The following SND1 variants were observed in gnomAD, a reference collection of about 807,000 sequenced individuals.
SND1 encodes staphylococcal nuclease domain-containing protein 1.
SND1 carries 38 observed loss-of-function variants against 121.7 expected under a neutral mutation model. That is an observed-to-expected ratio of 0.31 (90% CI 0.24 to 0.41). SND1 has a LOEUF of 0.41. Among genes scored for constraint, SND1 ranks in the 10% least tolerant of loss-of-function variants. The pLI, the probability that SND1 is intolerant of heterozygous loss-of-function variation, is 1.00. For missense variants in SND1, 868 were observed against 1,184.6 expected (o/e 0.73, Z 3.92); for synonymous variants, 401 against 447.4 (o/e 0.90, Z 1.31).
chr7:128,006,860 G>A lies in SND1; in HGVS notation c.1779+15804G>A, dbSNP rs183129953. ...GCAGTTAATGGTGAGCAGTGGGAGTGGCAGTTCCCAGGGCTGGTTGTTGCC... is the reference window on the plus strand; with the variant it reads ...GCAGTTAATGGTGAGCAGTGGGAGTAGCAGTTCCCAGGGCTGGTTGTTGCC... On this transcript the variant is annotated intron_variant, in intron 16 of 23. Coordinates refer to ENST00000354725, the MANE Select transcript of SND1 (RefSeq NM_014390.4). Among the ~76,000 whole-genome samples, 766 of 152,338 alleles carry A rather than the reference G, an allele frequency of 5.0e-3. 5 individuals carry two copies. Among genetic ancestry groups the A allele is most frequent in the African/African-American group, 0.018 (738 of 41,568 alleles).
chr7:128,064,902 T>C (rs1314026456), intron 16 of SND1, among the ~76,000 whole-genome samples: 1 of 152,190 alleles, frequency 6.6e-6, no homozygotes, highest in Non-Finnish European at 1.5e-5. Flanking sequence ...TGATTAAATC[T>C]GAGAAGAAAT....
intron 15 of SND1, among the ~76,000 whole-genome samples, chr7:127,932,835 G>T (rs1200974147): frequency 1.3e-5 from 2 of 152,170 alleles, no homozygotes; most frequent in Non-Finnish European, 2.9e-5. Context: ...TTAAACTACA[G>T]TATAGGGTGA....
chr7:127,709,488 G>A (rs1796262098), intron 9 of SND1, among the ~76,000 whole-genome samples: 1 of 152,164 alleles, frequency 6.6e-6, no homozygotes, highest in Non-Finnish European at 1.5e-5. Flanking sequence ...AGAGTTTTGG[G>A]CCTTGGCTGG....
In SND1 at chr7:128,029,114, T is replaced by C. The variant is rs944590490; in HGVS notation, c.1779+38058T>C. The stretch of plus-strand genomic sequence containing the variant: ...TGGTCTGCATCTTGTCAGTGGTGTC[T>C]GTCGCGGGTACTGCCACCTGCTTGG... On this transcript the variant is annotated intron_variant, in intron 16 of 23. Coordinates refer to ENST00000354725, the MANE Select transcript of SND1 (RefSeq NM_014390.4). This position sits in a 1 kb window ranked among gnomAD's most constrained non-coding sequence, Gnocchi z 4.2. The C allele has an allele frequency of 1.3e-5, 21 of 1,614,186 alleles. No homozygotes were observed. Among genetic ancestry groups the C allele is most frequent in the Non-Finnish European group, 1.6e-5 (19 of 1,180,032 alleles).
chr7:127,921,765 T>C (rs1800710363), intron 14 of SND1, among the ~76,000 whole-genome samples: 1 of 152,218 alleles, frequency 6.6e-6, no homozygotes, highest in Non-Finnish European at 1.5e-5. Context: ...CAACCACTCA[T>C]GTTTTTCTGT....
chr7:127,875,091 T>G (rs1799665024), intron 12 of SND1, among the ~76,000 whole-genome samples: 1 of 152,184 alleles, frequency 6.6e-6, no homozygotes, highest in Non-Finnish European at 1.5e-5. Flanking sequence ...TCTCTCTGGA[T>G]CTGTCTTCAT....
At chr7:127,725,427 G>A (rs1562991909) in intron 10 of SND1, among the ~76,000 whole-genome samples, 2 of 152,184 alleles carry the variant, frequency 1.3e-5, no homozygotes, top group South Asian at 2.1e-4. Context: ...CCCTTTGTCC[G>A]CTTTGCCAGG....
intron 10 of SND1, among the ~76,000 whole-genome samples, chr7:127,732,449 T>A (rs1483865150): frequency 1.3e-5 from 2 of 152,264 alleles, no homozygotes; most frequent in African/African-American, 4.8e-5. Flanking sequence ...TGTTCTTATA[T>A]GCCCTTGTCT....
chr7:127,817,368 A>T (rs1798463271), intron 11 of SND1, among the ~76,000 whole-genome samples: 1 of 152,204 alleles, frequency 6.6e-6, no homozygotes, highest in African/African-American at 2.4e-5. Context: ...TCTTAGGAAT[A>T]GGAATATTTC....
chr7:127,874,000 A>C (rs1478576995), intron 12 of SND1, among the ~76,000 whole-genome samples: 1 of 152,196 alleles, frequency 6.6e-6, no homozygotes, highest in African/African-American at 2.4e-5. Flanking sequence ...GCTCCTGCAA[A>C]GGGCCAAGAA....
At position 127,994,564 on chromosome 7, in the gene SND1, AAAAAAAAAAAAAAAAAAAAAAC is replaced by A. The variant is rs1248401349; in HGVS notation, c.1779+3510_1779+3531del. Among the ~76,000 whole-genome samples the A allele has an allele frequency of 3.5e-5, 4 of 113,192 alleles. 1 individual carries two copies. The East Asian group carries it at 9.6e-4, about 27-fold the overall frequency. 74.3% of individuals were successfully genotyped at this position (113,192 alleles called of 152,430 possible). A position where few individuals can be genotyped will look rare whatever the true frequency, so the allele number is the denominator to read the frequency against. ...CACTTTTACTCAAAAAAAAAAAAAA[AAAAAAAAAAAAAAAAAAAAAAC>A]AGTAAATTCAGTCTTTCTTTCTAGC... On this transcript the variant is annotated intron_variant, in intron 16 of 23. Transcript: ENST00000354725.
intron 16 of SND1, among the ~76,000 whole-genome samples, chr7:128,057,156 G>A (rs998308619): frequency 3.3e-5 from 5 of 152,080 alleles, no homozygotes; most frequent in African/African-American, 4.8e-5. Context: ...GGTTGACCAC[G>A]GGTAAATGAG....
At chr7:127,730,280 C>T (rs1415684460) in intron 10 of SND1, among the ~76,000 whole-genome samples, 2 of 152,212 alleles carry the variant, frequency 1.3e-5, no homozygotes, top group Non-Finnish European at 2.9e-5. Context: ...CATTGGACAG[C>T]TCTTAGTCTC....
rs1309908721 is a variant in SND1, at chr7:127,891,896, AATTCATAACATCTGCCAC to A, written c.1454+3892_1454+3909del. On this transcript the variant is annotated intron_variant, in intron 13 of 23. Transcript: ENST00000354725. ...GTATTTAATGCTTTGGCAAAAGCCAAATTCATAACATCTGCCACATTCATATCAGTCATTCGTTCTGAC... is the reference window on the plus strand; with the variant it reads ...GTATTTAATGCTTTGGCAAAAGCCAAATTCATATCAGTCATTCGTTCTGAC... Among the ~76,000 whole-genome samples the A allele has an allele frequency of 3.3e-5, 5 of 152,290 alleles. No homozygotes were observed. In the South Asian group the frequency reaches 1.0e-3, roughly 32 times the overall value.
chr7:127,726,044 A>T (rs1041521012), intron 10 of SND1, among the ~76,000 whole-genome samples: 1 of 152,138 alleles, frequency 6.6e-6, no homozygotes, highest in Non-Finnish European at 1.5e-5. Flanking sequence ...CTCTTAAATT[A>T]TACTGGAAGA....
At chr7:127,997,623 T>C in intron 16 of SND1, 1 of 470,968 alleles carries the variant, frequency 2.1e-6, no homozygotes. Flanking sequence ...TTAAAAAATA[T>C]AACTCCCCAT....
At chr7:127,688,563 A>AG (rs1383149219) in intron 2 of SND1, among the ~76,000 whole-genome samples, 13 of 151,476 alleles carry the variant, frequency 8.6e-5, no homozygotes, top group Non-Finnish European at 1.8e-4. Flanking sequence ...AAAAAAAAAA[A>AG]AAGAAAAAAT....
chr7:127,816,188 A>T (rs1229180199), intron 11 of SND1, among the ~76,000 whole-genome samples: 1 of 152,152 alleles, frequency 6.6e-6, no homozygotes, highest in Non-Finnish European at 1.5e-5. Context: ...GGCCTCCATC[A>T]CTTCTACTTA....
intron 15 of SND1, among the ~76,000 whole-genome samples, chr7:127,961,850 G>A (rs1044578446): frequency 4.6e-5 from 7 of 152,166 alleles, no homozygotes; most frequent in South Asian, 4.1e-4. Context: ...ATCAAGCTAC[G>A]TGAAAATCAA....
Sources: gnomAD v4.1 joint callset for allele counts (sites outside exome capture counted in the v4.1 genomes callset) on GRCh38, gnomAD v4.1.1 for gene constraint, Gnocchi (gnomAD v3.1) non-coding constraint, MANE v1.5 for transcripts, NCBI Gene and HGNC (gene_info 2026-07-23, HGNC 2026-07-21) for gene names.